Variants in HERC2 observed in about 807,000 individuals in gnomAD.
The protein encoded by HERC2 is HECT and RLD domain containing E3 ubiquitin protein ligase 2.
HERC2 carries 102 observed loss-of-function variants against 537.7 expected under a neutral mutation model. The ratio of observed to expected loss-of-function variants is 0.19; its 90% confidence interval spans 0.16 to 0.22. The LOEUF is 0.22. Among genes scored for constraint, HERC2 ranks in the 10% least tolerant of loss-of-function variants. HERC2 has a pLI of 1.00. For synonymous variants in HERC2, 2,224 were observed against 2,466.2 expected, an observed-to-expected ratio of 0.90 and a Z score of 2.91; for missense variants, 4,236 against 6,198.2, an observed-to-expected ratio of 0.68 and a Z score of 10.63.
At chr15:28,316,823 C>T (rs2077100122) in intron 2 of HERC2, among the ~76,000 whole-genome samples, 1 of 152,216 alleles carries the variant, frequency 6.6e-6, no homozygotes, top group Non-Finnish European at 1.5e-5. Flanking sequence ...TCTCACCAGG[C>T]TGTAGTGCAG....
At position 28,292,987 on chromosome 15, in the gene HERC2, C is replaced by A; in HGVS notation, c.223G>T (p.Asp75Tyr). The A allele has an allele frequency of 2.5e-6, 4 of 1,611,156 alleles. No homozygotes were observed. Among genetic ancestry groups the A allele is most frequent in the Middle Eastern group, 2.3e-4 (1 of 4,428 alleles). ...SVEPSGTKKE[D>Y]LNDKEKKDEE... ...TCTTTTTTCTCTTTGTCATTCAGAT[C>A]TTCTTTCTTTGTTCCACTTGGTTCG... The change falls in exon 4 of 93, where the codon GAT becomes TAT. Residue 75 changes from aspartate (D) to tyrosine (Y), a missense_variant. Asp to Tyr is a radical substitution (Grantham distance 160, BLOSUM62 -3). This residue lies in a region of HERC2 where 491 missense variants were observed against 559.3 expected (regional missense o/e 0.88). Coordinates refer to ENST00000261609, the MANE Select transcript of HERC2 (RefSeq NM_004667.6).
chr15:28,312,618 C>A (rs1220667351), intron 2 of HERC2: 1 of 155,866 alleles, frequency 6.4e-6, no homozygotes, highest in Admixed American at 6.6e-5. Context: ...GTGACAGAGA[C>A]CCTATTCATA....
intron 26 of HERC2, among the ~76,000 whole-genome samples, chr15:28,235,696 C>T (rs571407404): frequency 3.9e-5 from 6 of 152,302 alleles, no homozygotes; most frequent in Admixed American, 2.0e-4. Flanking sequence ...CACGTATGAA[C>T]GTCTCCATTT....
At position 28,209,940 on chromosome 15, in the gene HERC2, C is replaced by CTTTT. The variant is rs1164101918; in HGVS notation, c.7069+1058_7069+1061dup. ...ATAACGACACTGTTGAATACATTAT[C>CTTTT]TTTTTTTTTTTTTTTTTTTTTTTTT... On this transcript the variant is annotated intron_variant, in intron 44 of 92. Transcript: ENST00000261609. 6.7e-4 allele frequency among the ~76,000 whole-genome samples: 52 copies of CTTTT among 77,352 alleles called. 2 individuals are homozygous for CTTTT. Among genetic ancestry groups the CTTTT allele is most frequent in the African/African-American group, 1.2e-3 (23 of 18,920 alleles). The allele number at this position is 77,352 out of a possible 152,430, so 50.7% of individuals were successfully genotyped here.
At chr15:28,233,833 C>T in intron 27 of HERC2, 37 bp from the exon 28 acceptor site, 1 of 1,609,480 alleles carries the variant, frequency 6.2e-7, no homozygotes, top group Non-Finnish European at 8.5e-7. Flanking sequence ...TTCAGAGCCA[C>T]CCAGTGAGTC....
intron 67 of HERC2, among the ~76,000 whole-genome samples, 177 bp from the exon 68 acceptor site, chr15:28,168,004 G>C (rs1199542985): frequency 6.6e-6 from 1 of 152,118 alleles, no homozygotes; most frequent in Non-Finnish European, 1.5e-5. Context: ...CCCCAGTCAG[G>C]CCTAGGACAG....
At chr15:28,151,971 C>G (rs1892502274) in intron 70 of HERC2, among the ~76,000 whole-genome samples, 1 of 152,202 alleles carries the variant, frequency 6.6e-6, no homozygotes, top group Admixed American at 6.5e-5. Context: ...ACTAGAATAG[C>G]ACCATTTGTA....
At chr15:28,300,007 C>T (rs1182870028) in intron 2 of HERC2, among the ~76,000 whole-genome samples, 5 of 147,816 alleles carry the variant, frequency 3.4e-5, no homozygotes, top group Middle Eastern at 3.4e-3. Context: ...GAGCCAAGAT[C>T]GCACCACTGC....
At chr15:28,280,328 G>T in intron 4 of HERC2, 41 bp from the exon 5 acceptor site, 1 of 1,475,874 alleles carries the variant, frequency 6.8e-7, no homozygotes, top group East Asian at 2.3e-5. Flanking sequence ...TGTGGACAAT[G>T]TGGCCACAGT....
At chr15:28,238,816 G>A (rs1266972770) in intron 23 of HERC2, 44 bp from the exon 24 acceptor site, 5 of 1,405,886 alleles carry the variant, frequency 3.6e-6, no homozygotes, top group Non-Finnish European at 4.0e-6. Context: ...TCAATCAACA[G>A]GTAAAATGAA....
chr15:28,262,101 C>T (rs151151355), intron 15 of HERC2, among the ~76,000 whole-genome samples: 44 of 152,306 alleles, frequency 2.9e-4, no homozygotes, highest in African/African-American at 8.7e-4. Context: ...ATCTGATGTA[C>T]CTCTCACACT....
chr15:28,287,220 A>G (rs1335695487), intron 4 of HERC2, among the ~76,000 whole-genome samples: 4 of 152,210 alleles, frequency 2.6e-5, no homozygotes, highest in Admixed American at 2.6e-4. Context: ...GCTGAGATGG[A>G]AGAGCAAAAA....
At position 28,196,243 on chromosome 15, in the gene HERC2, C is replaced by A; in HGVS notation, c.8232G>T (p.Arg2744Ser). The A allele has an allele frequency of 7.1e-7, 1 of 1,404,078 alleles. No individual in the cohort carries two copies. Among genetic ancestry groups the A allele is most frequent in the South Asian group, 1.3e-5 (1 of 74,806 alleles). The allele number at this position is 1,404,078 out of a possible 1,614,324, so 87.0% of individuals were successfully genotyped here. A position where few individuals can be genotyped will look rare whatever the true frequency, so the allele number is the denominator to read the frequency against. ...TCFKTKKHNT[R>S]HTFGRINEPG... ...GTTCATTTATTCTGCCAAATGTATG[C>A]CTGGTATTGTGTTTTTTGGTCTTGA... The change falls in exon 52 of 93, where the codon AGG becomes AGT. Residue 2744 changes from arginine to serine, a missense_variant. Arg to Ser is a moderately radical substitution (Grantham distance 110, BLOSUM62 -1). Transcript: ENST00000261609.
Position 28,255,987 on chromosome 15 carries a change from T to C in HERC2, c.2756A>G (p.Asn919Ser), listed in dbSNP as rs748803103. 13 of 1,606,038 alleles carry C rather than the reference T, an allele frequency of 8.1e-6. No homozygotes were observed. The South Asian group carries it at 9.9e-5, about 12-fold the overall frequency. Reference protein sequence around the residue: ...SALLPCAVSGNEVNISPGRRF... With the variant: ...SALLPCAVSGSEVNISPGRRF... ...ACGACCTGGACTTATGTTCACTTCA[T>C]TGCCTGAAACTGAAATAGAAAGTGT... Residue 919 changes from asparagine (N) to serine (S), a missense_variant, in exon 19 of 93, where the codon AAT (asparagine) becomes AGT (serine). By Grantham distance (46) the Asn-to-Ser change is conservative. Transcript: ENST00000261609.
At chr15:28,136,567 T>A (rs976612151) in intron 78 of HERC2, among the ~76,000 whole-genome samples, 13 of 152,236 alleles carry the variant, frequency 8.5e-5, no homozygotes, top group African/African-American at 3.1e-4. Context: ...CTTCCCAGCC[T>A]CAGCACTGAC....
chr15:28,128,584 A>C (rs183953183), intron 83 of HERC2, among the ~76,000 whole-genome samples: 2 of 152,236 alleles, frequency 1.3e-5, no homozygotes, highest in South Asian at 2.1e-4. Flanking sequence ...TAAAGGGTGC[A>C]TGCTTATATA....
At chr15:28,287,729 T>G (rs911734118) in intron 4 of HERC2, among the ~76,000 whole-genome samples, 1,724 of 141,114 alleles carry the variant, frequency 0.012, 41 homozygotes, top group African/African-American at 0.045. Context: ...CTTTTTTTTT[T>G]TTTTTTTTTG....
chr15:28,165,766 C>G (rs997441362), intron 68 of HERC2, among the ~76,000 whole-genome samples: 2 of 152,130 alleles, frequency 1.3e-5, no homozygotes, highest in African/African-American at 4.8e-5. Context: ...TGCCACTCTA[C>G]TGCAGCCTGG....
chr15:28,259,851 C>A, intron 16 of HERC2, among the ~76,000 whole-genome samples: 1 of 151,160 alleles, frequency 6.6e-6, no homozygotes, highest in East Asian at 2.0e-4. Flanking sequence ...ACCTATAATC[C>A]CAGCTACTCA....
Sources: allele counts gnomAD v4.1 joint callset (sites outside exome capture counted in the v4.1 genomes callset), GRCh38; gene constraint gnomAD v4.1.1; regional missense constraint gnomAD v4.1.1; transcripts MANE v1.5; gene names NCBI Gene and HGNC (gene_info 2026-07-23, HGNC 2026-07-21).